Variants in B3GALT2 observed in about 807,000 individuals in gnomAD.
B3GALT2 encodes the protein UDP-Gal:betaGlcNAc beta 1,3-galactosyltransferase, polypeptide 2.
A neutral mutation model predicts 33.5 loss-of-function variants in B3GALT2; 13 were observed. That is an observed-to-expected ratio of 0.39 (90% CI 0.25 to 0.62). The LOEUF (loss-of-function observed/expected upper bound fraction) is 0.62, where lower values mean the gene tolerates loss of function less well. B3GALT2 is among the 20% of genes least tolerant of loss of function. B3GALT2 has a pLI of 0.53. For missense variants in B3GALT2, 418 were observed against 509.1 expected (o/e 0.82, Z 1.72); for synonymous variants, 195 against 172.7 (o/e 1.13, Z -1.01).
intron 1 of B3GALT2, among the ~76,000 whole-genome samples, chr1:193,184,677 T>A (rs1304333821): frequency 1.3e-5 from 2 of 151,930 alleles, no homozygotes; most frequent in Non-Finnish European, 2.9e-5. Flanking sequence ...TAAAACTGCT[T>A]AATTGGTGAC....
chr1:193,185,191 G>C (rs1676784791), intron 1 of B3GALT2, among the ~76,000 whole-genome samples: 1 of 151,830 alleles, frequency 6.6e-6, no homozygotes, highest in South Asian at 2.1e-4. Context: ...TTATGTTTTT[G>C]AATTTCACTT....
chr1:193,179,469 T>G lies in B3GALT2; in HGVS notation c.*825A>C, dbSNP rs1043129769. On this transcript the variant is annotated 3_prime_UTR_variant, in exon 2 of 2. Transcript: ENST00000367434. ...TATTCGAAGTTAGATATACATGAAATTAAATGGTGGTGCTGTTTAAGAGTG... is the reference window on the plus strand; with the variant it reads ...TATTCGAAGTTAGATATACATGAAAGTAAATGGTGGTGCTGTTTAAGAGTG... 6.6e-6 allele frequency: 1 copy of G among 152,632 alleles called. No homozygotes were observed. Among genetic ancestry groups the G allele is most frequent in the East Asian group, 1.9e-4 (1 of 5,204 alleles). 9.5% of individuals were successfully genotyped at this position (152,632 alleles called of 1,614,324 possible). A position where few individuals can be genotyped will look rare whatever the true frequency, so the allele number is the denominator to read the frequency against.
chr1:193,181,212 A>T lies in B3GALT2; in HGVS notation c.351T>A (p.Ser117Arg). ...TTTCATTGTAAATACTTCCATTGGC[A>T]CTAAGTGTATTCTCCAGGCCTGTAA... Reference protein sequence around the residue: ...QGVTGLENTLSANGSIYNEKG... With the variant: ...QGVTGLENTLRANGSIYNEKG... Residue 117 changes from serine to arginine, a missense_variant, in exon 2 of 2, where the codon AGT (serine) becomes AGA (arginine). This residue lies in a region of B3GALT2 where 188 missense variants were observed against 197.5 expected (regional missense o/e 0.95). Coordinates refer to ENST00000367434, the MANE Select transcript of B3GALT2 (RefSeq NM_003783.3). The T allele has an allele frequency of 6.2e-7, 1 of 1,613,988 alleles. No homozygotes were observed. Among genetic ancestry groups the T allele is most frequent in the Middle Eastern group, 1.6e-4 (1 of 6,062 alleles).
At position 193,179,632 on chromosome 1, in the gene B3GALT2, T is replaced by C. The variant is rs1676675950; in HGVS notation, c.*662A>G. On this transcript the variant is annotated 3_prime_UTR_variant, in exon 2 of 2. Coordinates refer to ENST00000367434, the MANE Select transcript of B3GALT2 (RefSeq NM_003783.3). ...CTGAGACACATTAGTTTTTCACATT[T>C]TACCACGTCATGTCAAAATAATTTT... The C allele has an allele frequency of 6.6e-6, 1 of 152,546 alleles. No homozygotes were observed. The highest frequency in any genetic ancestry group is 1.5e-5 in the Non-Finnish European group (1 of 67,994). 9.4% of individuals were successfully genotyped at this position (152,546 alleles called of 1,614,324 possible).
At chr1:193,182,989 C>T (rs1016135203) in intron 1 of B3GALT2, among the ~76,000 whole-genome samples, 8 of 151,764 alleles carry the variant, frequency 5.3e-5, no homozygotes, top group African/African-American at 1.9e-4. Flanking sequence ...ACAGTGTATG[C>T]ATAAATACAT....
In B3GALT2 at chr1:193,178,939, TG is replaced by T. The variant is rs1049093237; in HGVS notation, c.*1354del. On this transcript the variant is annotated 3_prime_UTR_variant, in exon 2 of 2. Transcript: ENST00000367434. ...ATTAAGATTGACAGATTTACATACTTGTATGGAATAAAAACACTATTTTAGT... is the reference window on the plus strand; with the variant it reads ...ATTAAGATTGACAGATTTACATACTTTATGGAATAAAAACACTATTTTAGT... 2 of 152,214 alleles carry T rather than the reference TG, an allele frequency of 1.3e-5. No homozygotes were observed. The highest frequency in any genetic ancestry group is 4.8e-5 in the African/African-American group (2 of 41,472). 9.4% of individuals were successfully genotyped at this position (152,214 alleles called of 1,614,324 possible).
At chr1:193,181,982 C>G (rs756145288) in intron 1 of B3GALT2, among the ~76,000 whole-genome samples, 2 of 152,138 alleles carry the variant, frequency 1.3e-5, no homozygotes, top group Non-Finnish European at 2.9e-5. Context: ...TGAATGTATT[C>G]GAGAAAAATG....
Position 193,180,616 on chromosome 1 carries a change from C to A in B3GALT2, c.947G>T (p.Gly316Val), listed in dbSNP as rs1021947985. 1 of 1,614,038 alleles carries A rather than the reference C, an allele frequency of 6.2e-7. No individual in the cohort carries two copies. Among genetic ancestry groups the A allele is most frequent in the African/African-American group, 1.3e-5 (1 of 75,032 alleles). The change falls in exon 2 of 2, where the codon GGT (glycine) becomes GTT (valine). Residue 316 changes from glycine (G) to valine (V), a missense_variant. This residue lies in a region of B3GALT2 where 226 missense variants were observed against 293.9 expected (regional missense o/e 0.77). Coordinates refer to ENST00000367434, the MANE Select transcript of B3GALT2 (RefSeq NM_003783.3). ...TGCCAGATCTCCAGAAAAAACATAA[C>A]CAGTTCCAGAACAGAAGACAGGATA... is the stretch of plus-strand genomic sequence containing the variant. ...ERYPVFCSGT[G>V]YVFSGDLAEK...
At position 193,180,482 on chromosome 1, in the gene B3GALT2, C is replaced by T. The variant is rs1321060100; in HGVS notation, c.1081G>A (p.Glu361Lys). ...ACTCGCCAGTGATTGAACACAAACT[C>T]ATTGGGAGGGGGTACAGGATCAATT... is the stretch of plus-strand genomic sequence containing the variant. ...LRIDPVPPPN[E>K]FVFNHWRVSY... is the part of the protein sequence containing the mutation. Residue 361 changes from glutamate (E) to lysine (K), a missense_variant, in exon 2 of 2, where the codon GAG (glutamate) becomes AAG (lysine). By Grantham distance (56) the Glu-to-Lys change is moderately conservative. Transcript: ENST00000367434. 1 of 1,614,018 alleles carries T rather than the reference C, an allele frequency of 6.2e-7. No homozygotes were observed. The highest frequency in any genetic ancestry group is 8.5e-7 in the Non-Finnish European group (1 of 1,179,942).
At position 193,179,038 on chromosome 1, in the gene B3GALT2, C is replaced by A. The variant is rs1676662566; in HGVS notation, c.*1256G>T. 3 of 152,270 alleles carry A rather than the reference C, an allele frequency of 2.0e-5. 1 individual carries two copies. In the South Asian group the frequency reaches 6.2e-4, roughly 32 times the overall value. 9.4% of individuals were successfully genotyped at this position (152,270 alleles called of 1,614,324 possible). A position where few individuals can be genotyped will look rare whatever the true frequency, so the allele number is the denominator to read the frequency against. On this transcript the variant is annotated 3_prime_UTR_variant, in exon 2 of 2. Coordinates refer to ENST00000367434, the MANE Select transcript of B3GALT2 (RefSeq NM_003783.3). ...AAAATTATTGTGAAAATACTTATAA[C>A]ACTCAGTAAAGTTTTTTGTTTTCCT...
chr1:193,181,405 G>C lies in B3GALT2; in HGVS notation c.158C>G (p.Ala53Gly), dbSNP rs774804871. 1.9e-6 allele frequency: 3 copies of C among 1,613,896 alleles called. No homozygotes were observed. The highest frequency in any genetic ancestry group is 2.2e-5 in the South Asian group (2 of 91,082). Residue 53 changes from alanine to glycine, a missense_variant, in exon 2 of 2, where the codon GCT becomes GGT. Ala to Gly is a moderately conservative substitution (Grantham distance 60). Around this residue, in one of 3 missense-constraint regions of B3GALT2, gnomAD observed 188 missense variants for 197.5 expected, o/e 0.95. Coordinates refer to ENST00000367434, the MANE Select transcript of B3GALT2 (RefSeq NM_003783.3). The part of the protein sequence containing the change: ...FNHHDWLPGR[A>G]GFKENPVTYT... ...TGTCACAGGGTTTTCTTTGAATCCA[G>C]CTCTGCCTGGCAGCCAGTCATGATG...
At chr1:193,185,460 T>TA (rs1294600594) in intron 1 of B3GALT2, among the ~76,000 whole-genome samples, 1 of 152,096 alleles carries the variant, frequency 6.6e-6, no homozygotes, top group Non-Finnish European at 1.5e-5. Flanking sequence ...AATTTGTTGA[T>TA]ACTCTCTTTG....
intron 1 of B3GALT2, among the ~76,000 whole-genome samples, chr1:193,184,871 A>T (rs1676778516): frequency 2.0e-5 from 3 of 151,972 alleles, no homozygotes; most frequent in South Asian, 2.1e-4. Flanking sequence ...ACATATTTTT[A>T]AAAAATGTTT....
intron 1 of B3GALT2, among the ~76,000 whole-genome samples, chr1:193,183,013 C>G (rs1292213711): frequency 6.6e-6 from 1 of 151,452 alleles, no homozygotes; most frequent in East Asian, 1.9e-4. Flanking sequence ...TGTATTTAGC[C>G]TGTGATAATG....
In B3GALT2 at chr1:193,180,297, A is replaced by C. The variant is rs1341922373; in HGVS notation, c.1266T>G (p.His422Gln). 6.4e-7 allele frequency: 1 copy of C among 1,555,078 alleles called. No homozygotes were observed. The highest frequency in any genetic ancestry group is 1.4e-5 in the African/African-American group (1 of 72,338). Residue 422 changes from histidine to glutamine, a missense_variant, in exon 2 of 2, where the codon CAT (histidine) becomes CAG (glutamine). Transcript: ENST00000367434. ...ATTTGAAAAAAAATTGTCTTTTCTAATGTAGTTTACGGTGGCGATACCTGC... is the reference window on the plus strand; with the variant it reads ...ATTTGAAAAAAAATTGTCTTTTCTACTGTAGTTTACGGTGGCGATACCTGC... Reference protein sequence around the residue: ...KAGRYRHRKLH With the variant: ...KAGRYRHRKLQ
In B3GALT2 at chr1:193,180,378, G is replaced by A. The variant is rs140400020; in HGVS notation, c.1185C>T (p.Asn395=). 6 of 1,613,368 alleles carry A rather than the reference G, an allele frequency of 3.7e-6. No individual in the cohort carries two copies. The highest frequency in any genetic ancestry group is 5.1e-6 in the Non-Finnish European group (6 of 1,179,620). ...FQPSELIKYW[N]HLQQNKHNAC... ...CATTGTGCTTATTTTGTTGTAAATGGTTCCAGTATTTTATCAGTTCACTAG... is the reference window on the plus strand; with the variant it reads ...CATTGTGCTTATTTTGTTGTAAATGATTCCAGTATTTTATCAGTTCACTAG... Residue 395 remains asparagine (N), a synonymous_variant, in exon 2 of 2, where the codon AAC becomes AAT. Coordinates refer to ENST00000367434, the MANE Select transcript of B3GALT2 (RefSeq NM_003783.3).
At position 193,180,589 on chromosome 1, in the gene B3GALT2, T is replaced by C. The variant is rs1484120678; in HGVS notation, c.974A>G (p.Glu325Gly). 2 of 1,614,160 alleles carry C rather than the reference T, an allele frequency of 1.2e-6. No homozygotes were observed. The highest frequency in any genetic ancestry group is 1.1e-5 in the South Asian group (1 of 91,084). Residue 325 changes from glutamate to glycine, a missense_variant, in exon 2 of 2, where the codon GAA becomes GGA. Glu to Gly is a moderately conservative substitution (Grantham distance 98, BLOSUM62 -2). This residue lies in a region of B3GALT2 where 226 missense variants were observed against 293.9 expected (regional missense o/e 0.77). Transcript: ENST00000367434. ...TGYVFSGDLA[E>G]KIFKVSLGIR... is the part of the protein sequence containing the mutation. ...ACCTAAAGAAACTTTAAAAATCTTT[T>C]CTGCCAGATCTCCAGAAAAAACATA...
Position 193,180,983 on chromosome 1 carries a change from T to G in B3GALT2, c.580A>C (p.Ser194Arg), listed in dbSNP as rs150296994. Residue 194 changes from serine to arginine, a missense_variant, in exon 2 of 2, where the codon AGT becomes CGT. By Grantham distance (110) the Ser-to-Arg change is moderately radical (BLOSUM62 -1). This residue lies in a region of B3GALT2 where 226 missense variants were observed against 293.9 expected (regional missense o/e 0.77). Transcript: ENST00000367434. ...QITRIFLLGLSIKLNGYLQRA... is the reference protein window; with the variant it reads ...QITRIFLLGLRIKLNGYLQRA... ...TGAAGGTAGCCATTTAGCTTAATAC[T>G]TAAGCCCAACAAAAATATTCTTGTG... The G allele has an allele frequency of 6.2e-7, 1 of 1,613,570 alleles. No homozygotes were observed. The highest frequency in any genetic ancestry group is 2.2e-5 in the East Asian group (1 of 44,878).
At position 193,181,662 on chromosome 1, in the gene B3GALT2, A is replaced by G. The variant is rs1297564829; in HGVS notation, c.-100T>C. ...GGCAATCATTTTCTAATTCAGTCACATTGTCTCTCTTGTAGTCATTCTATA... is the reference window on the plus strand; with the variant it reads ...GGCAATCATTTTCTAATTCAGTCACGTTGTCTCTCTTGTAGTCATTCTATA... On this transcript the variant is annotated 5_prime_UTR_variant, in exon 2 of 2. The change abolishes an upstream ATG in the 5' untranslated region. Transcript: ENST00000367434. 7.1e-6 allele frequency: 8 copies of G among 1,132,722 alleles called. No homozygotes were observed. Among genetic ancestry groups the G allele is most frequent in the African/African-American group, 3.1e-5 (2 of 63,714 alleles). 70.2% of individuals were successfully genotyped at this position (1,132,722 alleles called of 1,614,324 possible). A position where few individuals can be genotyped will look rare whatever the true frequency, so the allele number is the denominator to read the frequency against.
Sources: gnomAD v4.1 joint callset for allele counts (sites outside exome capture counted in the v4.1 genomes callset) on GRCh38, gnomAD v4.1.1 for gene constraint, gnomAD v4.1.1 regional missense constraint, MANE v1.5 for transcripts, NCBI Gene and HGNC (gene_info 2026-07-23, HGNC 2026-07-21) for gene names.